TMEM108: variants seen among roughly 807,000 people sequenced by gnomAD.
TMEM108 encodes cancer/testis antigen 124.
Under a neutral mutation model 35.1 loss-of-function variants are expected in TMEM108, and 12 were observed. That is an observed-to-expected ratio of 0.34 (90% CI 0.22 to 0.55). The LOEUF is 0.55. Ranked by LOEUF, TMEM108 falls within the 20% of genes least tolerant of loss-of-function variation. The pLI, the probability that TMEM108 is intolerant of heterozygous loss-of-function variation, is 0.89. For synonymous variants in TMEM108, 287 were observed against 308.6 expected (o/e 0.93, Z 0.73); for missense variants, 680 against 753.3 (o/e 0.90, Z 1.14).
chr3:133,297,279 A>ACATATGCCTTTTCTGCATC (rs1559895914), intron 3 of TMEM108, among the ~76,000 whole-genome samples: 1 of 152,158 alleles, frequency 6.6e-6, no homozygotes, highest in African/African-American at 2.4e-5. Context: ...CAGCATGTTT[A>ACATATGCCTTTTCTGCATC]TTAGCAAAAA....
At chr3:133,178,406 T>C (rs1314274495) in intron 2 of TMEM108, among the ~76,000 whole-genome samples, 2 of 152,042 alleles carry the variant, frequency 1.3e-5, no homozygotes, top group Non-Finnish European at 1.5e-5. Context: ...TGACTTCAAA[T>C]TATACTACAA....
At chr3:133,044,975 C>CT (rs1437116958) in intron 1 of TMEM108, among the ~76,000 whole-genome samples, 3,475 of 117,704 alleles carry the variant, frequency 0.03, 75 homozygotes, top group South Asian at 0.084. Flanking sequence ...TTTTTTTTTT[C>CT]TTTTTTTTTT....
intron 2 of TMEM108, among the ~76,000 whole-genome samples, chr3:133,065,774 G>A (rs1421292166): frequency 6.6e-6 from 1 of 152,160 alleles, no homozygotes; most frequent in Non-Finnish European, 1.5e-5. Context: ...ATACCAGTAT[G>A]TGCCTATTTC....
chr3:133,194,097 C>T (rs889761301), intron 2 of TMEM108, among the ~76,000 whole-genome samples: 1 of 151,818 alleles, frequency 6.6e-6, no homozygotes, highest in East Asian at 1.9e-4. Context: ...CCATCACACC[C>T]GGCTAATTTT....
At chr3:133,243,076 G>A (rs1946335069) in intron 3 of TMEM108, among the ~76,000 whole-genome samples, 1 of 152,214 alleles carries the variant, frequency 6.6e-6, no homozygotes, top group Non-Finnish European at 1.5e-5. Context: ...ATCCCTGGAA[G>A]CAGTGGAAGA....
At chr3:133,143,378 G>C (rs921749892) in intron 2 of TMEM108, among the ~76,000 whole-genome samples, 1 of 151,366 alleles carries the variant, frequency 6.6e-6, no homozygotes, top group East Asian at 1.9e-4. Context: ...ATATTCCCCA[G>C]GATATTAAAG....
At chr3:133,063,252 A>C (rs1398937664) in intron 2 of TMEM108, among the ~76,000 whole-genome samples, 2 of 152,178 alleles carry the variant, frequency 1.3e-5, no homozygotes, top group African/African-American at 4.8e-5. Flanking sequence ...ACTTAGAGTC[A>C]TGGCCACAGG....
At chr3:133,278,622 G>T (rs553845000) in intron 3 of TMEM108, among the ~76,000 whole-genome samples, 3 of 152,106 alleles carry the variant, frequency 2.0e-5, no homozygotes, top group Non-Finnish European at 4.4e-5. Flanking sequence ...ATAACACAAT[G>T]GTAAATATTT....
At chr3:133,391,013 C>T (rs937751874) in intron 5 of TMEM108, among the ~76,000 whole-genome samples, 19 of 152,238 alleles carry the variant, frequency 1.2e-4, no homozygotes, top group Admixed American at 3.3e-4. Context: ...CATCCTCACA[C>T]GGAGGGTGGC....
At chr3:133,205,532 G>C (rs1945740343) in intron 2 of TMEM108, among the ~76,000 whole-genome samples, 1 of 152,168 alleles carries the variant, frequency 6.6e-6, no homozygotes, top group East Asian at 1.9e-4. Context: ...TTGCTTGTCT[G>C]TAAAGGATTT....
chr3:133,395,974 A>T lies in TMEM108; in HGVS notation c.1716A>T (p.Val572=). ...CACTGTTTGTGGGAAACGATCAAGT[A>T]TCTGAGATCTAACTACAGCAGGCAT... is the stretch of plus-strand genomic sequence containing the variant. ...QETLFVGNDQ[V]SEI The change falls in exon 6 of 6, where the codon GTA becomes GTT. Residue 572 remains valine, a synonymous_variant. Coordinates refer to ENST00000321871, the MANE Select transcript of TMEM108 (RefSeq NM_023943.4). The T allele has an allele frequency of 1.3e-6, 2 of 1,598,178 alleles. No individual in the cohort carries two copies. The highest frequency in any genetic ancestry group is 1.7e-6 in the Non-Finnish European group (2 of 1,172,738).
chr3:133,346,660 T>A lies in TMEM108; in HGVS notation c.41-33092T>A, dbSNP rs1465093276. On this transcript the variant is annotated intron_variant, in intron 3 of 5. Transcript: ENST00000321871. This position sits in a 1 kb window ranked among gnomAD's most constrained non-coding sequence, Gnocchi z 4.0. ...AGTTTTAAATTTAATAAAGTCCAGC[T>A]TATCATTTTTTTCTTTCATAGGCTT... Among the ~76,000 whole-genome samples, 1 of 152,094 alleles carries A rather than the reference T, an allele frequency of 6.6e-6. No homozygotes were observed. Among genetic ancestry groups the A allele is most frequent in the Admixed American group, 6.6e-5 (1 of 15,248 alleles).
intron 3 of TMEM108, among the ~76,000 whole-genome samples, chr3:133,248,844 A>T (rs1946423800): frequency 6.6e-6 from 1 of 152,186 alleles, no homozygotes; most frequent in African/African-American, 2.4e-5. Context: ...GTGAAAAAGG[A>T]TGGGGAAAGA....
intron 4 of TMEM108, chr3:133,386,689 A>C: frequency 7.2e-7 from 1 of 1,393,422 alleles, no homozygotes; most frequent in Non-Finnish European, 9.3e-7. Context: ...TTTCAACTAA[A>C]TGGGAAAGGG....
chr3:133,306,017 T>A (rs62279014), intron 3 of TMEM108, among the ~76,000 whole-genome samples: 51,980 of 152,058 alleles, frequency 0.34, 9,243 homozygotes, highest in East Asian at 0.48. Flanking sequence ...GTTATGCAGA[T>A]ATTTTCTCCT....
intron 3 of TMEM108, among the ~76,000 whole-genome samples, chr3:133,251,619 A>G (rs556163378): frequency 1.3e-5 from 2 of 152,284 alleles, no homozygotes; most frequent in Admixed American, 1.3e-4. Context: ...CCGGCCTTCA[A>G]GGTTATCATA....
intron 1 of TMEM108, among the ~76,000 whole-genome samples, chr3:133,043,980 G>T (rs1943305706): frequency 6.6e-6 from 1 of 152,146 alleles, no homozygotes; most frequent in African/African-American, 2.4e-5. Flanking sequence ...GAATTTTGAA[G>T]AACATTTGCT....
intron 2 of TMEM108, among the ~76,000 whole-genome samples, chr3:133,076,520 G>C (rs952140371): frequency 2.0e-5 from 3 of 152,150 alleles, no homozygotes; most frequent in Admixed American, 6.5e-5. Context: ...TATAACAGAA[G>C]GGCAGAAAGG....
intron 2 of TMEM108, among the ~76,000 whole-genome samples, chr3:133,164,281 T>C (rs562608413): frequency 4.6e-5 from 7 of 152,298 alleles, no homozygotes; most frequent in East Asian, 3.9e-4. Flanking sequence ...TCTTACTGAC[T>C]TGACTGAACA....
Sources: gnomAD v4.1 joint callset for allele counts (sites outside exome capture counted in the v4.1 genomes callset) on GRCh38, gnomAD v4.1.1 for gene constraint, Gnocchi (gnomAD v3.1) non-coding constraint, MANE v1.5 for transcripts, NCBI Gene and HGNC (gene_info 2026-07-23, HGNC 2026-07-21) for gene names.